GAS7: variants seen among roughly 807,000 people sequenced by gnomAD.
GAS7 encodes the protein growth arrest specific 7.
GAS7 carries 28 observed loss-of-function variants against 71.1 expected under a neutral mutation model. The observed-to-expected ratio is 0.39, with a 90% confidence interval of 0.29 to 0.54. The LOEUF is 0.54. Ranked by LOEUF, GAS7 falls within the 20% of genes least tolerant of loss-of-function variation. GAS7 has a pLI of 0.62. For synonymous variants in GAS7, 258 were observed against 245.8 expected, an observed-to-expected ratio of 1.05 and a Z score of -0.46; for missense variants, 436 against 627.8, an observed-to-expected ratio of 0.69 and a Z score of 3.27.
At chr17:9,917,853 A>G (rs1365691541) in intron 13 of GAS7, 148 bp downstream of exon 13, 1 of 614,134 alleles carries the variant, frequency 1.6e-6, no homozygotes, top group Admixed American at 2.9e-5. Flanking sequence ...CCAGTCCACG[A>G]GGCCACCCCC....
At chr17:10,060,522 C>G (rs1481657855) in intron 1 of GAS7, among the ~76,000 whole-genome samples, 1 of 152,146 alleles carries the variant, frequency 6.6e-6, no homozygotes, top group Admixed American at 6.5e-5. Context: ...ATTCTGTACA[C>G]CTGGCCACCA....
At chr17:10,181,801 C>T (rs1165906403) in intron 1 of GAS7, among the ~76,000 whole-genome samples, 10 of 152,096 alleles carry the variant, frequency 6.6e-5, no homozygotes, top group Non-Finnish European at 1.3e-4. Flanking sequence ...ACAAAGACCC[C>T]GTTGATCAAA....
intron 1 of GAS7, among the ~76,000 whole-genome samples, chr17:10,110,206 C>T (rs2073797925): frequency 6.6e-6 from 1 of 152,050 alleles, no homozygotes; most frequent in Non-Finnish European, 1.5e-5. Flanking sequence ...CCGTGGAATT[C>T]TATTCAGCAT....
chr17:10,077,709 A>C (rs3967769), intron 1 of GAS7, among the ~76,000 whole-genome samples: 99,655 of 152,132 alleles, frequency 0.66, 33,263 homozygotes, highest in African/African-American at 0.74. Context: ...ACAAGCCATA[A>C]TGAAAACAGG....
chr17:9,927,318 C>CACAT (rs2068043668), intron 9 of GAS7, among the ~76,000 whole-genome samples: 1 of 150,576 alleles, frequency 6.6e-6, no homozygotes, highest in African/African-American at 2.5e-5. Context: ...CACACACACA[C>CACAT]ACACACACAC....
chr17:10,102,722 C>G (rs980474063), intron 1 of GAS7, among the ~76,000 whole-genome samples: 3 of 151,584 alleles, frequency 2.0e-5, no homozygotes, highest in Non-Finnish European at 4.4e-5. Context: ...AATTCACAAC[C>G]TCCATCAAAA....
intron 1 of GAS7, among the ~76,000 whole-genome samples, chr17:10,053,757 G>A (rs1483591044): frequency 6.6e-6 from 1 of 152,210 alleles, no homozygotes. Flanking sequence ...GCACGGCAGT[G>A]AGATCCTTAA....
At chr17:9,953,696 GC>G in intron 5 of GAS7, among the ~76,000 whole-genome samples, 1 of 152,272 alleles carries the variant, frequency 6.6e-6, no homozygotes, top group South Asian at 2.1e-4. Flanking sequence ...GCTGCTCAGT[GC>G]CACGTGCTAC....
chr17:10,059,865 G>A (rs1424504883), intron 1 of GAS7: 21 of 937,986 alleles, frequency 2.2e-5, no homozygotes, highest in Admixed American at 6.2e-5. Flanking sequence ...TGACGTTGCC[G>A]TGGCAACCAA....
intron 1 of GAS7, among the ~76,000 whole-genome samples, chr17:10,165,320 A>C (rs2074286171): frequency 6.6e-6 from 1 of 151,680 alleles, no homozygotes. Context: ...AAGAAAACAA[A>C]AGAAAAGTTT....
rs547308191 is a variant in GAS7, at chr17:10,160,651, G to A, written c.183+37557C>T. Among the ~76,000 whole-genome samples, 10 of 152,254 alleles carry A rather than the reference G, an allele frequency of 6.6e-5. No individual in the cohort carries two copies. In the East Asian group the frequency reaches 1.7e-3, roughly 26 times the overall value. ...ACCAGGCAGATCACATCACAGGTGC[G>A]CAATATGACATTTTCCTCTAACTAT... On this transcript the variant is annotated intron_variant, in intron 1 of 13. Transcript: ENST00000432992.
At chr17:10,111,446 T>C (rs556316543) in intron 1 of GAS7, among the ~76,000 whole-genome samples, 2 of 151,868 alleles carry the variant, frequency 1.3e-5, no homozygotes, top group East Asian at 1.9e-4. Flanking sequence ...GGCAGGAGAA[T>C]GGCATGAACC....
At chr17:10,120,644 G>A (rs1480586904) in intron 1 of GAS7, among the ~76,000 whole-genome samples, 20 of 152,204 alleles carry the variant, frequency 1.3e-4, no homozygotes, top group African/African-American at 3.6e-4. Context: ...CCTGGGAGGC[G>A]GAGGTTGCAG....
intron 1 of GAS7, among the ~76,000 whole-genome samples, chr17:10,025,978 A>T (rs1222619150): frequency 6.6e-6 from 1 of 152,088 alleles, no homozygotes; most frequent in Non-Finnish European, 1.5e-5. Context: ...CTTCAAATAA[A>T]CTATTTAACA....
intron 4 of GAS7, among the ~76,000 whole-genome samples, chr17:9,968,981 A>C (rs577483137): frequency 6.6e-6 from 1 of 152,320 alleles, no homozygotes; most frequent in African/African-American, 2.4e-5. Flanking sequence ...AAATAAGGCT[A>C]GTCCTCAGTT....
chr17:10,049,874 C>T (rs1187648571), intron 1 of GAS7, among the ~76,000 whole-genome samples: 3 of 152,122 alleles, frequency 2.0e-5, no homozygotes, highest in South Asian at 2.1e-4. Context: ...CCCACCTTGG[C>T]GTCCCAAAGT....
chr17:9,934,318 C>G, intron 8 of GAS7, 74 bp from the exon 9 acceptor site: 2 of 1,022,044 alleles, frequency 2.0e-6, no homozygotes, highest in Non-Finnish European at 3.0e-6. Flanking sequence ...GGGCTCCACC[C>G]CAGGTCTCGG....
chr17:10,096,097 G>GC (rs1239317404), intron 1 of GAS7, among the ~76,000 whole-genome samples: 2 of 152,080 alleles, frequency 1.3e-5, no homozygotes, highest in Non-Finnish European at 2.9e-5. Flanking sequence ...TCCCAAGTCT[G>GC]CGCCAAGGCC....
chr17:9,929,932 G>A (rs2068149854), intron 9 of GAS7, among the ~76,000 whole-genome samples: 1 of 152,124 alleles, frequency 6.6e-6, no homozygotes, highest in South Asian at 2.1e-4. Flanking sequence ...GGCCTGTCAT[G>A]GCCCATCAGT....
Sources: gnomAD v4.1 joint callset for allele counts (sites outside exome capture counted in the v4.1 genomes callset) on GRCh38, gnomAD v4.1.1 for gene constraint, MANE v1.5 for transcripts, NCBI Gene and HGNC (gene_info 2026-07-23, HGNC 2026-07-21) for gene names.